The following CEP128 variants were observed in gnomAD, a reference collection of about 807,000 sequenced individuals.
CEP128 encodes centrosomal protein 128kDa.
In CEP128, 132 loss-of-function variants were observed where a neutral mutation model predicts 156.7. The observed-to-expected ratio is 0.84, with a 90% CI of 0.73 to 0.97. The LOEUF (loss-of-function observed/expected upper bound fraction) is 0.97. CEP128 is among the 50% of genes least tolerant of loss of function. CEP128 has a pLI of 0.00. For missense variants in CEP128, 1,252 were observed against 1,281.9 expected (o/e 0.98, Z 0.36); for synonymous variants, 469 against 448.9 (o/e 1.04, Z -0.57).
At chr14:80,733,339 C>CGTGTGTGTGTGTGTGTGTGTGT (rs55964142) in intron 19 of CEP128, among the ~76,000 whole-genome samples, 7 of 140,134 alleles carry the variant, frequency 5.0e-5, no homozygotes, top group African/African-American at 1.9e-4. Flanking sequence ...CCACATGGGT[C>CGTGTGTGTGTGTGTGTGTGTGT]GTGTGTGTGT....
At position 80,931,703 on chromosome 14, in the gene CEP128, G is replaced by A. The variant is rs760206473; in HGVS notation, c.-16+7682C>T. Among the ~76,000 whole-genome samples, 14 of 152,286 alleles carry A rather than the reference G, an allele frequency of 9.2e-5. No individual in the cohort carries two copies. In the South Asian group the frequency reaches 2.1e-3, roughly 23 times the overall value. ...ACAAACTCAACCTGTCACTTCACGG[G>A]AAAACGACAACTGTGTTCAAGTCAG... On this transcript the variant is annotated intron_variant, in intron 2 of 24. Coordinates refer to ENST00000555265, the MANE Select transcript of CEP128 (RefSeq NM_152446.5).
intron 24 of CEP128, among the ~76,000 whole-genome samples, chr14:80,498,989 G>A (rs1413591796): frequency 6.6e-5 from 10 of 152,108 alleles, no homozygotes; most frequent in Non-Finnish European, 1.3e-4. Context: ...AATATCCGGC[G>A]TTTAACCGAT....
chr14:80,919,268 G>C (rs1201378599), intron 2 of CEP128, among the ~76,000 whole-genome samples: 2 of 152,032 alleles, frequency 1.3e-5, no homozygotes, highest in African/African-American at 2.4e-5. Context: ...CTAATACGTA[G>C]ACAATTTGAG....
At chr14:80,597,612 CA>C (rs1448970597) in intron 19 of CEP128, among the ~76,000 whole-genome samples, 2 of 140,808 alleles carry the variant, frequency 1.4e-5, no homozygotes, top group Non-Finnish European at 3.1e-5. Flanking sequence ...AATTGTCCCT[CA>C]AAAAAACAAA....
At chr14:80,566,965 G>A (rs1047130031) in intron 20 of CEP128, among the ~76,000 whole-genome samples, 4 of 151,708 alleles carry the variant, frequency 2.6e-5, no homozygotes, top group African/African-American at 9.7e-5. Flanking sequence ...GATATGTCAT[G>A]TTCTAGCCTA....
chr14:80,929,533 C>G (rs1885337335), intron 2 of CEP128, among the ~76,000 whole-genome samples: 1 of 152,160 alleles, frequency 6.6e-6, no homozygotes, highest in South Asian at 2.1e-4. Flanking sequence ...TGGAATACTA[C>G]TCAGCCATAA....
intron 21 of CEP128, among the ~76,000 whole-genome samples, chr14:80,557,580 G>A (rs1393010461): frequency 6.6e-6 from 1 of 152,124 alleles, no homozygotes; most frequent in Admixed American, 6.5e-5. Flanking sequence ...TAAAATATAT[G>A]TGGAAGAACA....
intron 19 of CEP128, among the ~76,000 whole-genome samples, chr14:80,630,214 T>C (rs1310422096): frequency 6.6e-6 from 1 of 151,932 alleles, no homozygotes; most frequent in East Asian, 1.9e-4. Flanking sequence ...CAAACTAAGG[T>C]GGATACTTCT....
At chr14:80,920,604 A>G (rs1884804755) in intron 2 of CEP128, among the ~76,000 whole-genome samples, 2 of 152,212 alleles carry the variant, frequency 1.3e-5, no homozygotes, top group Admixed American at 1.3e-4. Context: ...TCCTCAATTA[A>G]GGTTTACCTA....
intron 13 of CEP128, among the ~76,000 whole-genome samples, chr14:80,829,857 T>C (rs972055549): frequency 6.6e-6 from 1 of 152,154 alleles, no homozygotes; most frequent in Admixed American, 6.5e-5. Flanking sequence ...ATAAGAGCAT[T>C]ATTAGGCTAT....
At chr14:80,714,997 C>A (rs1209070881) in intron 19 of CEP128, among the ~76,000 whole-genome samples, 1 of 151,994 alleles carries the variant, frequency 6.6e-6, no homozygotes, top group Admixed American at 6.6e-5. Context: ...CCGTGGTGGG[C>A]GGATCACTTG....
chr14:80,905,070 T>G, intron 5 of CEP128, 139 bp from the exon 6 acceptor site: 1 of 579,582 alleles, frequency 1.7e-6, no homozygotes, highest in South Asian at 2.5e-5. Context: ...CCAAGTATCT[T>G]GCTATGGCCA....
chr14:80,664,394 A>G (rs1218307892), intron 19 of CEP128, among the ~76,000 whole-genome samples: 1 of 152,184 alleles, frequency 6.6e-6, no homozygotes, highest in Non-Finnish European at 1.5e-5. Flanking sequence ...CTATTTTAAC[A>G]GTGAGCAAGC....
intron 23 of CEP128, among the ~76,000 whole-genome samples, chr14:80,511,652 T>C (rs188168372): frequency 7.2e-4 from 110 of 152,170 alleles, no homozygotes; most frequent in African/African-American, 2.5e-3. Context: ...AGTTTTCTCT[T>C]GCTTTCTGTT....
intron 21 of CEP128, among the ~76,000 whole-genome samples, chr14:80,551,309 A>G (rs996231594): frequency 3.3e-5 from 5 of 152,254 alleles, no homozygotes; most frequent in Non-Finnish European, 7.3e-5. Context: ...TTAACTCAAC[A>G]TATACAGAAA....
chr14:80,651,928 T>C (rs1595154359), intron 19 of CEP128, among the ~76,000 whole-genome samples: 1 of 152,220 alleles, frequency 6.6e-6, no homozygotes, highest in South Asian at 2.1e-4. Context: ...AGATATCTAT[T>C]AGGTCTGCTT....
intron 20 of CEP128, among the ~76,000 whole-genome samples, chr14:80,577,827 CT>C (rs543373330): frequency 1.3e-5 from 2 of 152,184 alleles, no homozygotes; most frequent in Non-Finnish European, 2.9e-5. Context: ...TTAAAAAATT[CT>C]TGTTTTGCTG....
intron 19 of CEP128, among the ~76,000 whole-genome samples, chr14:80,647,948 A>G (rs1894733822): frequency 1.3e-5 from 2 of 152,064 alleles, no homozygotes; most frequent in African/African-American, 2.4e-5. Context: ...ATGGAAAATT[A>G]TATTTCCCAA....
At chr14:80,899,608 G>A (rs1220215791) in intron 7 of CEP128, among the ~76,000 whole-genome samples, 1 of 152,336 alleles carries the variant, frequency 6.6e-6, no homozygotes, top group East Asian at 1.9e-4. Context: ...CCAAAAGTCA[G>A]TCAGGTAGCG....
Sources: allele counts gnomAD v4.1 joint callset (sites outside exome capture counted in the v4.1 genomes callset), GRCh38; gene constraint gnomAD v4.1.1; transcripts MANE v1.5; gene names NCBI Gene and HGNC (gene_info 2026-07-23, HGNC 2026-07-21).